FOXP2: variants seen among roughly 807,000 people sequenced by gnomAD.
FOXP2 encodes the protein forkhead box protein P2.
A neutral mutation model predicts 115.8 loss-of-function variants in FOXP2; 12 were observed. That is an observed-to-expected ratio of 0.10 (90% confidence interval 0.07 to 0.17). The LOEUF is 0.17. Among genes scored for constraint, FOXP2 ranks in the 10% least tolerant of loss-of-function variants. The pLI is 1.00. For missense variants in FOXP2, 629 were observed against 843.5 expected (o/e 0.75, Z 3.15); for synonymous variants, 328 against 297.7 (o/e 1.10, Z -1.05).
At chr7:114,359,501 A>G (rs1357959983) in intron 2 of FOXP2, among the ~76,000 whole-genome samples, 8 of 152,208 alleles carry the variant, frequency 5.3e-5, no homozygotes, top group Admixed American at 5.2e-4. Context: ...GACAGCTTGT[A>G]CCATGGGCCT....
At chr7:114,435,280 G>A (rs1017307889) in intron 2 of FOXP2, among the ~76,000 whole-genome samples, 1 of 152,092 alleles carries the variant, frequency 6.6e-6, no homozygotes, top group African/African-American at 2.4e-5. Context: ...TGTCAAGAAA[G>A]GTTTTAGGAA....
At chr7:114,609,011 C>A (rs868199490) in intron 3 of FOXP2, among the ~76,000 whole-genome samples, 8 of 151,896 alleles carry the variant, frequency 5.3e-5, no homozygotes, top group African/African-American at 1.9e-4. Flanking sequence ...CCAGCCTGAG[C>A]AACATGACGA....
At chr7:114,513,084 A>G (rs1029221224) in intron 2 of FOXP2, among the ~76,000 whole-genome samples, 1 of 152,164 alleles carries the variant, frequency 6.6e-6, no homozygotes, top group African/African-American at 2.4e-5. Context: ...CTCCATCTCA[A>G]AACAAAACAA....
At chr7:114,435,685 G>A (rs1380753289) in intron 2 of FOXP2, among the ~76,000 whole-genome samples, 3 of 152,026 alleles carry the variant, frequency 2.0e-5, no homozygotes, top group Non-Finnish European at 2.9e-5. Flanking sequence ...TTACAGGCAC[G>A]TACCACCATA....
intron 2 of FOXP2, among the ~76,000 whole-genome samples, chr7:114,467,446 A>T (rs888189949): frequency 6.6e-6 from 1 of 152,194 alleles, no homozygotes; most frequent in African/African-American, 2.4e-5. Context: ...AGGAAAGAAA[A>T]GTGAAGAGTG....
At position 114,268,245 on chromosome 7, in the gene FOXP2, T is replaced by C. The variant is rs558711061; in HGVS notation, c.-101-19774T>C. Among the ~76,000 whole-genome samples, 3 of 152,310 alleles carry C rather than the reference T, an allele frequency of 2.0e-5. No individual in the cohort carries two copies. In the East Asian group the frequency reaches 5.8e-4, roughly 29 times the overall value. ...TGGACATGAACATGTAAATTTTGAG[T>C]ATATTTTTTCATGTGTGGAACTTAT... On this transcript the variant is annotated intron_variant, in intron 1 of 17. Coordinates refer to the FOXP2 transcript ENST00000634411.
chr7:114,435,909 G>A (rs1328062485), intron 2 of FOXP2, among the ~76,000 whole-genome samples: 1 of 152,084 alleles, frequency 6.6e-6, no homozygotes, highest in African/African-American at 2.4e-5. Flanking sequence ...GGAAAATGAT[G>A]GCAGATTTAT....
chr7:114,109,700 T>A (rs1463631538), intron 1 of FOXP2, among the ~76,000 whole-genome samples: 3 of 152,118 alleles, frequency 2.0e-5, no homozygotes, highest in Admixed American at 1.3e-4. Context: ...TTATTTTTAC[T>A]AAAAATAGTT....
chr7:114,675,153 T>C (rs1232615178), intron 16 of FOXP2, among the ~76,000 whole-genome samples: 1 of 152,104 alleles, frequency 6.6e-6, no homozygotes, highest in Non-Finnish European at 1.5e-5. Context: ...AAACTTGTCG[T>C]TTTCATGAAT....
intron 2 of FOXP2, among the ~76,000 whole-genome samples, chr7:114,374,726 A>G (rs570698763): frequency 2.0e-5 from 3 of 152,230 alleles, no homozygotes; most frequent in East Asian, 3.9e-4. Context: ...AGGGATCTTG[A>G]CTTATCCTTA....
chr7:114,576,875 G>A (rs1244117492), intron 3 of FOXP2, among the ~76,000 whole-genome samples: 1 of 151,730 alleles, frequency 6.6e-6, no homozygotes, highest in Non-Finnish European at 1.5e-5. Flanking sequence ...ATCTTATTTA[G>A]CATAATTGAA....
At chr7:114,092,847 T>C (rs371056150) in intron 1 of FOXP2, among the ~76,000 whole-genome samples, 11 of 152,276 alleles carry the variant, frequency 7.2e-5, no homozygotes, top group African/African-American at 2.6e-4. Context: ...TCAATTTTTT[T>C]CCTTATGGAG....
intron 1 of FOXP2, among the ~76,000 whole-genome samples, chr7:114,112,296 CT>C (rs956556447): frequency 2.6e-5 from 4 of 151,384 alleles, no homozygotes; most frequent in South Asian, 2.1e-4. Context: ...GGTTTCTGCA[CT>C]TTTTTTTTCT....
chr7:114,410,411 T>C (rs1280230134), upstream of FOXP2, among the ~76,000 whole-genome samples: 1 of 152,048 alleles, frequency 6.6e-6, no homozygotes, highest in Non-Finnish European at 1.5e-5. Context: ...AAAAAAGACA[T>C]AGATATTGTT....
intron 3 of FOXP2, among the ~76,000 whole-genome samples, chr7:114,556,373 A>C (rs2129289249): frequency 6.6e-6 from 1 of 152,246 alleles, no homozygotes; most frequent in South Asian, 2.1e-4. Context: ...AGCTGATCCA[A>C]GGGCTGCTGC....
intron 2 of FOXP2, among the ~76,000 whole-genome samples, chr7:114,344,283 T>C (rs1035584136): frequency 6.2e-4 from 94 of 151,778 alleles, no homozygotes; most frequent in Non-Finnish European, 1.2e-4. Context: ...AGTGGGGTAG[T>C]AGAAAAACCC....
At chr7:114,277,214 T>C (rs909255385) in intron 1 of FOXP2, among the ~76,000 whole-genome samples, 2 of 152,214 alleles carry the variant, frequency 1.3e-5, no homozygotes, top group Non-Finnish European at 2.9e-5. Context: ...TAAATGAATA[T>C]GTTTGCAAAT....
At chr7:114,495,497 T>C (rs1247615145) in intron 2 of FOXP2, among the ~76,000 whole-genome samples, 33 of 132,356 alleles carry the variant, frequency 2.5e-4, no homozygotes, top group African/African-American at 8.5e-4. Context: ...TTTTTTTTTT[T>C]TTTTTTTTTT....
At chr7:114,221,375 A>G (rs1794617333) in intron 1 of FOXP2, among the ~76,000 whole-genome samples, 2 of 152,306 alleles carry the variant, frequency 1.3e-5, no homozygotes, top group South Asian at 4.1e-4. Context: ...GTACTTAAAA[A>G]TGTCCTAAAA....
Sources: allele counts gnomAD v4.1 joint callset (sites outside exome capture counted in the v4.1 genomes callset), GRCh38; gene constraint gnomAD v4.1.1; transcripts MANE v1.5; gene names NCBI Gene and HGNC (gene_info 2026-07-23, HGNC 2026-07-21).